The following CACNB2 variants were observed in gnomAD, a reference collection of about 807,000 sequenced individuals.
The protein encoded by CACNB2 is calcium voltage-gated channel auxiliary subunit beta 2, also known as voltage-dependent L-type calcium channel subunit beta-2.
In CACNB2, 42 loss-of-function variants were observed where a neutral mutation model predicts 73.3. The observed-to-expected ratio is 0.57, with a 90% CI of 0.45 to 0.74. CACNB2 has a LOEUF of 0.74. CACNB2 is among the 30% of genes least tolerant of loss of function. The probability of loss-of-function intolerance (pLI) is 0.00; values close to 1 mark genes in which losing one functional copy is unlikely to be tolerated. For missense variants in CACNB2, 940 were observed against 853.0 expected (o/e 1.10, Z -1.27); for synonymous variants, 348 against 310.3 (o/e 1.12, Z -1.28).
At chr10:18,461,316 A>G (rs2047563164) in intron 3 of CACNB2, among the ~76,000 whole-genome samples, 1 of 152,028 alleles carries the variant, frequency 6.6e-6, no homozygotes, top group Non-Finnish European at 1.5e-5. Flanking sequence ...TTATCTTTTG[A>G]ACTTTATCCA....
intron 3 of CACNB2, among the ~76,000 whole-genome samples, chr10:18,455,516 C>T (rs1480714215): frequency 6.6e-6 from 1 of 152,196 alleles, no homozygotes; most frequent in Non-Finnish European, 1.5e-5. Context: ...TGTGTTCACA[C>T]AGGTAAATAC....
At chr10:18,218,646 G>A (rs2035607087) in intron 2 of CACNB2, among the ~76,000 whole-genome samples, 1 of 151,602 alleles carries the variant, frequency 6.6e-6, no homozygotes, top group African/African-American at 2.4e-5. Context: ...CTTTTGGGTG[G>A]ATCATGAGGT....
At chr10:18,387,723 C>A (rs2043293089) in intron 2 of CACNB2, among the ~76,000 whole-genome samples, 1 of 151,812 alleles carries the variant, frequency 6.6e-6, no homozygotes, top group Non-Finnish European at 1.5e-5. Context: ...AGTCAACAGA[C>A]AGCTGTCAGC....
chr10:18,465,544 T>G (rs150828730), intron 3 of CACNB2, among the ~76,000 whole-genome samples: 2 of 152,276 alleles, frequency 1.3e-5, no homozygotes, highest in South Asian at 4.1e-4. Context: ...CGTGTGTTCC[T>G]CTTCTCTCCA....
At chr10:18,453,082 C>G (rs907607142) in intron 3 of CACNB2, among the ~76,000 whole-genome samples, 1 of 152,188 alleles carries the variant, frequency 6.6e-6, no homozygotes, top group African/African-American at 2.4e-5. Context: ...TTTTCTCCAT[C>G]TCTGCTGCTA....
At chr10:18,145,925 C>G (rs1441775062) in intron 1 of CACNB2, among the ~76,000 whole-genome samples, 2 of 152,142 alleles carry the variant, frequency 1.3e-5, no homozygotes, top group African/African-American at 4.8e-5. Context: ...CTCCTCCTTA[C>G]TGGGCAGATA....
chr10:18,339,212 C>T (rs568188441), intron 2 of CACNB2, among the ~76,000 whole-genome samples: 2 of 152,214 alleles, frequency 1.3e-5, no homozygotes, highest in Non-Finnish European at 2.9e-5. Context: ...TCTAATGTGA[C>T]TGTACCAGTT....
chr10:18,402,069 A>T (rs757043935), intron 3 of CACNB2, 26 bp downstream of exon 3: 3 of 1,611,814 alleles, frequency 1.9e-6, no homozygotes, highest in Non-Finnish European at 8.5e-7. Flanking sequence ...CCCTGCCAAG[A>T]TCTTTGCAAG....
intron 2 of CACNB2, among the ~76,000 whole-genome samples, chr10:18,218,354 A>C (rs1284247855): frequency 6.6e-6 from 1 of 152,216 alleles, no homozygotes; most frequent in Non-Finnish European, 1.5e-5. Flanking sequence ...GATTGCCATC[A>C]CTGAATTCCA....
At chr10:18,262,515 A>C (rs1021633118) in intron 2 of CACNB2, among the ~76,000 whole-genome samples, 2 of 152,224 alleles carry the variant, frequency 1.3e-5, no homozygotes, top group Non-Finnish European at 2.9e-5. Context: ...GCCAGCCAAG[A>C]TTTCTAAAGA....
chr10:18,448,508 A>AAAAG (rs1260485757), intron 3 of CACNB2, among the ~76,000 whole-genome samples: 2 of 151,244 alleles, frequency 1.3e-5, no homozygotes, highest in East Asian at 3.9e-4. Flanking sequence ...AAAAGAAAAG[A>AAAAG]AAAGAAAGAA....
chr10:18,249,407 T>C (rs2036998504), intron 2 of CACNB2, among the ~76,000 whole-genome samples: 1 of 152,250 alleles, frequency 6.6e-6, no homozygotes, highest in Admixed American at 6.5e-5. Flanking sequence ...AAATGTCTTA[T>C]TCCTGCATCT....
chr10:18,160,710 G>A (rs932628899), intron 2 of CACNB2, among the ~76,000 whole-genome samples: 1 of 152,120 alleles, frequency 6.6e-6, no homozygotes, highest in Non-Finnish European at 1.5e-5. Flanking sequence ...CCCAGGCATG[G>A]CATCTAAGGT....
Position 18,442,925 on chromosome 10 carries a change from TGTATATATATATATATGTG to T in CACNB2, c.333+40883_333+40901del, listed in dbSNP as rs1564553137. 2.8e-4 allele frequency among the ~76,000 whole-genome samples: 23 copies of T among 81,108 alleles called. 4 individuals carry two copies. Among genetic ancestry groups the T allele is most frequent in the African/African-American group, 1.6e-3 (23 of 14,704 alleles). The allele number at this position is 81,108 out of a possible 152,430, so 53.2% of individuals were successfully genotyped here. A position where few individuals can be genotyped will look rare whatever the true frequency, so the allele number is the denominator to read the frequency against. On this transcript the variant is annotated intron_variant, in intron 3 of 13. Coordinates refer to ENST00000324631, the MANE Select transcript of CACNB2 (RefSeq NM_201596.3). ...TGTAAAAACAATATATATATATATA[TGTATATATATATATATGTG>T]TATATATATATATGTATATATATAT...
intron 2 of CACNB2, among the ~76,000 whole-genome samples, chr10:18,395,880 A>G: frequency 6.6e-6 from 1 of 152,170 alleles, no homozygotes; most frequent in Non-Finnish European, 1.5e-5. Context: ...TGTTTATGCA[A>G]CTGTCCCGCA....
At chr10:18,356,621 C>T (rs980596355) in intron 2 of CACNB2, among the ~76,000 whole-genome samples, 2 of 151,726 alleles carry the variant, frequency 1.3e-5, no homozygotes, top group African/African-American at 4.9e-5. Context: ...TCTCTCCTCT[C>T]GTCTCTTTTT....
At chr10:18,218,541 G>A (rs2035603342) in intron 2 of CACNB2, among the ~76,000 whole-genome samples, 1 of 152,170 alleles carries the variant, frequency 6.6e-6, no homozygotes, top group East Asian at 1.9e-4. Flanking sequence ...GTGCATGTGT[G>A]TGCATGTAGG....
chr10:18,204,169 C>T (rs1402918012), intron 2 of CACNB2, among the ~76,000 whole-genome samples: 1 of 152,172 alleles, frequency 6.6e-6, no homozygotes, highest in African/African-American at 2.4e-5. Context: ...TACAGATGGT[C>T]CCTACGATAG....
rs756852687 is a variant in CACNB2 at position 18,539,487 on chromosome 10, T to C, written c.1746T>C (p.Tyr582=). 6.2e-7 allele frequency: 1 copy of C among 1,613,906 alleles called. No homozygotes were observed. The highest frequency in any genetic ancestry group is 8.5e-7 in the Non-Finnish European group (1 of 1,179,982). ...ATTCCCATGACCACGTGGACCACTA[T>C]GCCTCACACCGTGACCACAACCACA... ...EDYSHDHVDH[Y]ASHRDHNHRD... The change falls in exon 14 of 14, where the codon TAT becomes TAC. Residue 582 remains tyrosine (Y), a synonymous_variant. Transcript: ENST00000324631.
Sources: allele counts gnomAD v4.1 joint callset (sites outside exome capture counted in the v4.1 genomes callset), GRCh38; gene constraint gnomAD v4.1.1; transcripts MANE v1.5; gene names NCBI Gene and HGNC (gene_info 2026-07-23, HGNC 2026-07-21).